The following CCDC60 variants were observed in gnomAD, a reference collection of about 807,000 sequenced individuals.
The protein encoded by CCDC60 is coiled-coil domain containing 60.
Under a neutral mutation model 63.5 loss-of-function variants are expected in CCDC60, and 54 were observed. That is an observed-to-expected ratio of 0.85 (90% CI 0.68 to 1.07). CCDC60 has a LOEUF of 1.07. CCDC60 is among the 50% of genes least tolerant of loss of function. CCDC60 has a pLI of 0.00. For missense variants in CCDC60, 651 were observed against 684.3 expected, an observed-to-expected ratio of 0.95 and a Z score of 0.54; for synonymous variants, 206 against 238.8, an observed-to-expected ratio of 0.86 and a Z score of 1.27.
chr12:119,349,853 A>G (rs969635564), intron 1 of CCDC60, among the ~76,000 whole-genome samples: 2 of 152,124 alleles, frequency 1.3e-5, no homozygotes, highest in Non-Finnish European at 2.9e-5. Flanking sequence ...TTTGCCTCTC[A>G]TTACTCCCTT....
intron 6 of CCDC60, among the ~76,000 whole-genome samples, chr12:119,500,960 C>T (rs531147787): frequency 2.0e-5 from 3 of 151,998 alleles, no homozygotes; most frequent in Admixed American, 6.6e-5. Context: ...TTCTTTTTAC[C>T]CAAAAGTATT....
intron 2 of CCDC60, among the ~76,000 whole-genome samples, chr12:119,440,949 C>T (rs367919631): frequency 1.5e-4 from 21 of 139,518 alleles, no homozygotes; most frequent in African/African-American, 5.8e-4. Context: ...ATGTCTGACA[C>T]ACGGTAAGTG....
chr12:119,505,451 T>G, intron 7 of CCDC60, 148 bp downstream of exon 7: 2 of 612,538 alleles, frequency 3.3e-6, no homozygotes, highest in Non-Finnish European at 5.7e-6. Flanking sequence ...TGGACCTCTT[T>G]GTTTTCCCCA....
chr12:119,456,536 C>T lies in CCDC60; in HGVS notation c.171-15458C>T, dbSNP rs2136295374. Among the ~76,000 whole-genome samples, 1 of 152,216 alleles carries T rather than the reference C, an allele frequency of 6.6e-6. No individual in the cohort carries two copies. Among genetic ancestry groups the T allele is most frequent in the East Asian group, 1.9e-4 (1 of 5,184 alleles). The stretch of plus-strand genomic sequence containing the variant: ...ATGAAAGGGGTCCCAATCCAGACCC[C>T]AAGAGAAGGTTCTTGGATCTTGCAC... On this transcript the variant is annotated intron_variant, in intron 2 of 13. Coordinates refer to ENST00000327554, the MANE Select transcript of CCDC60 (RefSeq NM_178499.5). The surrounding 1 kb of genome is among the most constrained non-coding windows in gnomAD (Gnocchi z 4.6).
intron 1 of CCDC60, among the ~76,000 whole-genome samples, chr12:119,348,807 A>G (rs1376581480): frequency 1.3e-5 from 2 of 152,196 alleles, no homozygotes; most frequent in South Asian, 2.1e-4. Context: ...CTCCTGATAA[A>G]TCATCATTCT....
intron 6 of CCDC60, among the ~76,000 whole-genome samples, chr12:119,502,498 CAG>C (rs1472085212): frequency 1.3e-5 from 2 of 152,204 alleles, no homozygotes; most frequent in African/African-American, 2.4e-5. Context: ...TAAGTCAATT[CAG>C]AGAGGTTCAG....
intron 1 of CCDC60, among the ~76,000 whole-genome samples, chr12:119,360,958 ACC>A (rs1309288943): frequency 6.6e-6 from 1 of 151,836 alleles, no homozygotes; most frequent in Non-Finnish European, 1.5e-5. Flanking sequence ...ACACAACGAA[ACC>A]CCGTCTCCAC....
rs369877793 is a variant in CCDC60 at position 119,350,039 on chromosome 12, C to T, written c.90+14773C>T. ...CATAAGATACTAAGCAACATTTCAA[C>T]CTTCCCTCAAGGAGAAGAGTGGTCC... On this transcript the variant is annotated intron_variant, in intron 1 of 13. Coordinates refer to ENST00000327554, the MANE Select transcript of CCDC60 (RefSeq NM_178499.5). Among the ~76,000 whole-genome samples the T allele has an allele frequency of 3.3e-5, 5 of 152,180 alleles. No homozygotes were observed. In the East Asian group the frequency reaches 7.7e-4, roughly 24 times the overall value.
intron 1 of CCDC60, among the ~76,000 whole-genome samples, chr12:119,416,591 C>T (rs1956703222): frequency 6.6e-6 from 1 of 152,126 alleles, no homozygotes; most frequent in Non-Finnish European, 1.5e-5. Context: ...GGAAAAAAAT[C>T]CCTGCTGATT....
intron 1 of CCDC60, among the ~76,000 whole-genome samples, chr12:119,394,196 A>C (rs1343653427): frequency 2.0e-5 from 3 of 152,222 alleles, no homozygotes; most frequent in Non-Finnish European, 4.4e-5. Flanking sequence ...CCATGGTAGA[A>C]ATGAGAACAC....
chr12:119,366,553 C>G (rs1955842149), intron 1 of CCDC60, among the ~76,000 whole-genome samples: 1 of 152,134 alleles, frequency 6.6e-6, no homozygotes, highest in Non-Finnish European at 1.5e-5. Flanking sequence ...CCTAAGAAAC[C>G]CCACTTTGAC....
intron 1 of CCDC60, among the ~76,000 whole-genome samples, chr12:119,418,351 A>ATTATCT (rs1299547011): frequency 8.7e-5 from 10 of 114,398 alleles, no homozygotes; most frequent in Non-Finnish European, 1.7e-4. Flanking sequence ...ACCCAGTGCT[A>ATTATCT]TTATCTTTTT....
chr12:119,495,012 C>T (rs754719340), intron 5 of CCDC60, among the ~76,000 whole-genome samples: 2 of 152,164 alleles, frequency 1.3e-5, no homozygotes, highest in Non-Finnish European at 2.9e-5. Context: ...AATCCATCTA[C>T]TGTTTTATGA....
intron 11 of CCDC60, among the ~76,000 whole-genome samples, chr12:119,528,067 A>G (rs1952740269): frequency 6.6e-6 from 1 of 152,092 alleles, no homozygotes; most frequent in Non-Finnish European, 1.5e-5. Flanking sequence ...GGGCTGAATA[A>G]TTTAGAGCCT....
rs750209002 is a variant in CCDC60 at position 119,524,373 on chromosome 12, A to G, written c.1229+555A>G. ...TTTTCTTCCCTGTTCTGATAACCCA[A>G]TAACTTCTGCCCTTTCTAGCTTACT... is the stretch of plus-strand genomic sequence containing the variant. On this transcript the variant is annotated intron_variant, in intron 11 of 13. Transcript: ENST00000327554. 2.3e-4 allele frequency: 199 copies of G among 857,576 alleles called. 1 individual carries two copies. The highest frequency in any genetic ancestry group is 2.7e-4 in the Non-Finnish European group (195 of 713,486). 53.1% of individuals were successfully genotyped at this position (857,576 alleles called of 1,614,324 possible).
intron 5 of CCDC60, among the ~76,000 whole-genome samples, chr12:119,491,726 T>A (rs1342322066): frequency 6.7e-6 from 1 of 150,026 alleles, no homozygotes; most frequent in Non-Finnish European, 1.5e-5. Flanking sequence ...TTTTTTTTTT[T>A]CCTTACTTGA....
chr12:119,384,921 C>T (rs1202126154), intron 1 of CCDC60, among the ~76,000 whole-genome samples: 1 of 150,982 alleles, frequency 6.6e-6, no homozygotes, highest in Non-Finnish European at 1.5e-5. Flanking sequence ...GCACAAGCTC[C>T]TGACCAAACA....
chr12:119,414,139 C>G (rs559767868), intron 1 of CCDC60, among the ~76,000 whole-genome samples: 1 of 152,094 alleles, frequency 6.6e-6, no homozygotes, highest in African/African-American at 2.4e-5. Context: ...CTCCCTCAGC[C>G]TCCCAAGTAG....
intron 4 of CCDC60, among the ~76,000 whole-genome samples, chr12:119,484,154 C>A (rs1349641909): frequency 6.6e-6 from 1 of 152,136 alleles, no homozygotes; most frequent in African/African-American, 2.4e-5. Flanking sequence ...TCCAACTCTG[C>A]CATTTGCTGT....
Sources: allele counts gnomAD v4.1 joint callset (sites outside exome capture counted in the v4.1 genomes callset), GRCh38; gene constraint gnomAD v4.1.1; non-coding constraint Gnocchi (gnomAD v3.1); transcripts MANE v1.5; gene names NCBI Gene and HGNC (gene_info 2026-07-23, HGNC 2026-07-21).